Variants in CACHD1 observed in about 807,000 individuals in gnomAD.
The protein encoded by CACHD1 is cache domain containing 1, also known as VWFA and cache domain-containing protein 1.
In CACHD1, 71 loss-of-function variants were observed where a neutral mutation model predicts 138.7. The observed-to-expected ratio is 0.51, with a 90% CI of 0.42 to 0.62. The LOEUF (loss-of-function observed/expected upper bound fraction) is 0.62. CACHD1 is among the 20% of genes least tolerant of loss of function. The pLI is 0.00. For synonymous variants in CACHD1, 578 were observed against 591.5 expected (o/e 0.98, Z 0.33); for missense variants, 1,389 against 1,625.3 (o/e 0.85, Z 2.50).
At chr1:64,680,541 G>C (rs549041134) in intron 24 of CACHD1, among the ~76,000 whole-genome samples, 1 of 151,898 alleles carries the variant, frequency 6.6e-6, no homozygotes, top group South Asian at 2.1e-4. Context: ...TATAATCATG[G>C]CCTCAATACC....
At chr1:64,492,126 A>T (rs1646280119) in intron 1 of CACHD1, among the ~76,000 whole-genome samples, 1 of 151,292 alleles carries the variant, frequency 6.6e-6, no homozygotes, top group Non-Finnish European at 1.5e-5. Flanking sequence ...AGCTTTTTTT[A>T]AAAAAAGAAA....
At chr1:64,676,665 G>A (rs551042210) in intron 21 of CACHD1, among the ~76,000 whole-genome samples, 3 of 152,092 alleles carry the variant, frequency 2.0e-5, no homozygotes, top group East Asian at 1.9e-4. Flanking sequence ...AGTACTTTTC[G>A]TAGAGATGAG....
chr1:64,671,923 A>G (rs1178403676), intron 17 of CACHD1, among the ~76,000 whole-genome samples: 1 of 152,160 alleles, frequency 6.6e-6, no homozygotes, highest in African/African-American at 2.4e-5. Flanking sequence ...TGTAGCATGG[A>G]ATGCACCAAA....
At chr1:64,592,834 T>C (rs567589845) in intron 3 of CACHD1, among the ~76,000 whole-genome samples, 16 of 152,188 alleles carry the variant, frequency 1.1e-4, no homozygotes, top group African/African-American at 3.6e-4. Context: ...ACAGACAAAG[T>C]AATGACACCT....
chr1:64,565,339 C>T (rs562535632), intron 2 of CACHD1, among the ~76,000 whole-genome samples: 27 of 151,948 alleles, frequency 1.8e-4, no homozygotes, highest in Admixed American at 3.3e-4. Context: ...GAATGGAAGG[C>T]ACTAAATCTG....
intron 1 of CACHD1, among the ~76,000 whole-genome samples, chr1:64,483,871 C>CA (rs1480466876): frequency 6.9e-6 from 1 of 145,938 alleles, no homozygotes; most frequent in Non-Finnish European, 1.5e-5. Context: ...CCTTCCCCCC[C>CA]CCCCTTGCAT....
chr1:64,614,659 G>C (rs1365347039), intron 4 of CACHD1, among the ~76,000 whole-genome samples: 2 of 152,162 alleles, frequency 1.3e-5, no homozygotes, highest in Non-Finnish European at 2.9e-5. Flanking sequence ...ATACCGGCTG[G>C]GCATCTGCCT....
intron 1 of CACHD1, among the ~76,000 whole-genome samples, chr1:64,502,767 A>G (rs1290503576): frequency 1.3e-5 from 2 of 152,168 alleles, no homozygotes; most frequent in African/African-American, 4.8e-5. Context: ...AAGAGTATGA[A>G]TAAAGTTAAC....
At position 64,634,174 on chromosome 1, in the gene CACHD1, C is replaced by T; in HGVS notation, c.920C>T (p.Ser307Leu). 1 of 1,614,012 alleles carries T rather than the reference C, an allele frequency of 6.2e-7. No individual in the cohort carries two copies. Among genetic ancestry groups the T allele is most frequent in the East Asian group, 2.2e-5 (1 of 44,862 alleles). ...MSTFVSSVKS[S>L]DSPTQHAVGF... is the part of the protein sequence containing the mutation. The stretch of plus-strand genomic sequence containing the variant: ...ACCTTTGTTAGCAGCGTGAAGTCTT[C>T]AGACAGTCCTACCCAGCACGCAGTG... Residue 307 changes from serine (S) to leucine (L), a missense_variant, in exon 7 of 27, where the codon TCA becomes TTA. Physicochemically the swap from Ser to Leu is moderately radical, Grantham distance 145 (BLOSUM62 -2). This residue lies in a region of CACHD1 where 1,000 missense variants were observed against 1,114.7 expected (regional missense o/e 0.90). Transcript: ENST00000651257.
intron 1 of CACHD1, among the ~76,000 whole-genome samples, chr1:64,542,864 G>C (rs887294104): frequency 1.3e-5 from 2 of 151,940 alleles, no homozygotes; most frequent in Non-Finnish European, 2.9e-5. Flanking sequence ...GTAAAATGAG[G>C]ATGTAGTTAT....
intron 1 of CACHD1, among the ~76,000 whole-genome samples, chr1:64,478,639 G>T (rs571385054): frequency 6.6e-6 from 1 of 152,176 alleles, no homozygotes; most frequent in Non-Finnish European, 1.5e-5. Context: ...ATCCAGAGAG[G>T]CTAAACCAAC....
intron 2 of CACHD1, 45 bp from the exon 3 acceptor site, chr1:64,582,111 A>G (rs759471920): frequency 6.3e-7 from 1 of 1,599,414 alleles, no homozygotes; most frequent in South Asian, 1.1e-5. Flanking sequence ...ACAATGAGTT[A>G]TTGTCTTGGA....
chr1:64,485,280 CA>C (rs1646235766), intron 1 of CACHD1, among the ~76,000 whole-genome samples: 1 of 152,194 alleles, frequency 6.6e-6, no homozygotes. Context: ...CATCACCCCC[CA>C]AAATTATCTG....
At chr1:64,658,558 C>T (rs1012278314) in intron 12 of CACHD1, 147 bp from the exon 13 acceptor site, 11 of 573,476 alleles carry the variant, frequency 1.9e-5, no homozygotes, top group Non-Finnish European at 3.3e-5. Flanking sequence ...ACCCTATCCT[C>T]ATGTCTTCAT....
intron 24 of CACHD1, 134 bp downstream of exon 24, chr1:64,679,890 C>A: frequency 1.0e-6 from 1 of 998,386 alleles, no homozygotes; most frequent in Non-Finnish European, 1.4e-6. Flanking sequence ...TGGAAGTTCC[C>A]AAAGCCTGCT....
At chr1:64,673,032 T>C in intron 17 of CACHD1, 126 bp from the exon 18 acceptor site, 1 of 830,214 alleles carries the variant, frequency 1.2e-6, no homozygotes, top group Non-Finnish European at 2.0e-6. Context: ...TTCCAATGAG[T>C]ATTTATTGAG....
At chr1:64,490,977 A>G (rs1423508250) in intron 1 of CACHD1, among the ~76,000 whole-genome samples, 1 of 152,216 alleles carries the variant, frequency 6.6e-6, no homozygotes, top group Non-Finnish European at 1.5e-5. Context: ...TCTCATGTAA[A>G]AATTAAAAGA....
At chr1:64,572,233 C>T (rs1379577080) in intron 2 of CACHD1, among the ~76,000 whole-genome samples, 1 of 152,136 alleles carries the variant, frequency 6.6e-6, no homozygotes, top group Non-Finnish European at 1.5e-5. Flanking sequence ...TTCTCAGCTT[C>T]TCGATTTTTT....
chr1:64,667,713 T>A lies in CACHD1; in HGVS notation c.2387+1546T>A, dbSNP rs1649681214. The stretch of plus-strand genomic sequence containing the variant: ...ACCTTGGTCTTTGATTACAATGAAA[T>A]GGGCCAGAACTGGGCTGTTAAAGAT... On this transcript the variant is annotated intron_variant, in intron 16 of 26. Coordinates refer to ENST00000651257, the MANE Select transcript of CACHD1 (RefSeq NM_020925.4). Among the ~76,000 whole-genome samples, 3 of 152,156 alleles carry A rather than the reference T, an allele frequency of 2.0e-5. No individual in the cohort carries two copies. The South Asian group carries it at 6.2e-4, about 32-fold the overall frequency.
Sources: allele counts gnomAD v4.1 joint callset (sites outside exome capture counted in the v4.1 genomes callset), GRCh38; gene constraint gnomAD v4.1.1; regional missense constraint gnomAD v4.1.1; transcripts MANE v1.5; gene names NCBI Gene and HGNC (gene_info 2026-07-23, HGNC 2026-07-21).